PLAAT5: variants seen among roughly 807,000 people sequenced by gnomAD.
PLAAT5 encodes the protein phospholipase A and acyltransferase 5, also known as Ca(2+)-independent N-acyltransferase.
A neutral mutation model predicts 27.8 loss-of-function variants in PLAAT5; 27 were observed. The ratio of observed to expected loss-of-function variants is 0.97; its 90% CI spans 0.72 to 1.34. PLAAT5 has a LOEUF of 1.34. PLAAT5 is among the 40% of genes most tolerant of loss of function. The pLI, the probability that PLAAT5 is intolerant of heterozygous loss-of-function variation, is 0.00. For missense variants in PLAAT5, 368 were observed against 343.8 expected (o/e 1.07, Z -0.56); for synonymous variants, 125 against 136.1 (o/e 0.92, Z 0.57).
intron 3 of PLAAT5, among the ~76,000 whole-genome samples, chr11:63,471,226 A>T (rs1311318299): frequency 6.6e-6 from 1 of 152,256 alleles, no homozygotes; most frequent in East Asian, 1.9e-4. Flanking sequence ...ACTAAGGTAT[A>T]GACACTTCAT....
At chr11:63,490,771 G>A in intron 1 of PLAAT5, 116 bp downstream of exon 1, 1 of 988,836 alleles carries the variant, frequency 1.0e-6, no homozygotes, top group Non-Finnish European at 1.5e-6. Flanking sequence ...GCTCATGATG[G>A]CTAACAGACA....
chr11:63,485,191 T>C (rs1305494036), intron 3 of PLAAT5, among the ~76,000 whole-genome samples: 2 of 152,112 alleles, frequency 1.3e-5, no homozygotes, highest in Non-Finnish European at 2.9e-5. Context: ...AGAATCAATA[T>C]TGTGAAAATG....
chr11:63,485,400 C>G (rs2120334831), intron 3 of PLAAT5, among the ~76,000 whole-genome samples: 1 of 152,214 alleles, frequency 6.6e-6, no homozygotes. Flanking sequence ...GCTATAGTTA[C>G]CAAAACAGCA....
chr11:63,484,094 A>C (rs2016376888), intron 3 of PLAAT5, among the ~76,000 whole-genome samples: 1 of 150,780 alleles, frequency 6.6e-6, no homozygotes, highest in African/African-American at 2.4e-5. Flanking sequence ...GAAGAAATAG[A>C]AACTCTGAAC....
At chr11:63,470,870 A>G (rs1272055521) in intron 3 of PLAAT5, 4 of 152,224 alleles carry the variant, frequency 2.6e-5, no homozygotes, top group Non-Finnish European at 5.9e-5. Flanking sequence ...TTCAGAAAAT[A>G]TAAGCCTTTA....
At chr11:63,479,599 G>A (rs2016236353) in intron 3 of PLAAT5, among the ~76,000 whole-genome samples, 1 of 152,156 alleles carries the variant, frequency 6.6e-6, no homozygotes, top group African/African-American at 2.4e-5. Context: ...AGGAAGAGAA[G>A]TTATTTAGCC....
intron 5 of PLAAT5, among the ~76,000 whole-genome samples, chr11:63,465,168 ACTTGGGAGACTGAGGCAGGAGAATCG>A (rs1345800695): frequency 1.3e-5 from 2 of 151,960 alleles, no homozygotes; most frequent in Admixed American, 1.3e-4. Flanking sequence ...AATCCCAGCT[ACTTGGGAGACTGAGGCAGGAGAATCG>A]CTTGAACCCA....
At chr11:63,479,057 T>A (rs78370519) in intron 3 of PLAAT5, among the ~76,000 whole-genome samples, 2,035 of 152,282 alleles carry the variant, frequency 0.013, 49 homozygotes, top group African/African-American at 0.047. Context: ...GACTTCAAAC[T>A]GGACTTCATT....
At chr11:63,466,765 A>G (rs897713775) in intron 4 of PLAAT5, among the ~76,000 whole-genome samples, 1 of 152,162 alleles carries the variant, frequency 6.6e-6, no homozygotes, top group Non-Finnish European at 1.5e-5. Context: ...GTAAAAGGCT[A>G]TCACATACAT....
At chr11:63,487,916 C>T (rs555476133) in intron 3 of PLAAT5, among the ~76,000 whole-genome samples, 3 of 152,226 alleles carry the variant, frequency 2.0e-5, no homozygotes, top group South Asian at 2.1e-4. Flanking sequence ...GAAGCCGAGG[C>T]GGGAGGATCA....
intron 5 of PLAAT5, among the ~76,000 whole-genome samples, chr11:63,465,531 C>G (rs1040330090): frequency 1.3e-4 from 20 of 151,868 alleles, no homozygotes; most frequent in African/African-American, 4.6e-4. Context: ...GTGGCTTACA[C>G]CTGTAATCCC....
At chr11:63,485,058 A>T (rs1311610787) in intron 3 of PLAAT5, among the ~76,000 whole-genome samples, 1 of 152,158 alleles carries the variant, frequency 6.6e-6, no homozygotes, top group African/African-American at 2.4e-5. Context: ...AAAAAAAAAA[A>T]AATACTTAGG....
At chr11:63,464,970 C>A (rs1265004934) in intron 5 of PLAAT5, among the ~76,000 whole-genome samples, 1 of 152,042 alleles carries the variant, frequency 6.6e-6, no homozygotes, top group Non-Finnish European at 1.5e-5. Context: ...GTGGCCTGAT[C>A]AATTGTATGT....
In PLAAT5 at chr11:63,463,350, A is replaced by G. The variant is rs1274706196; in HGVS notation, c.*153T>C. 1.4e-6 allele frequency: 1 copy of G among 690,300 alleles called. No individual in the cohort carries two copies. The highest frequency in any genetic ancestry group is 2.0e-5 in the Admixed American group (1 of 48,782). 42.8% of individuals were successfully genotyped at this position (690,300 alleles called of 1,614,324 possible). A position where few individuals can be genotyped will look rare whatever the true frequency, so the allele number is the denominator to read the frequency against. On this transcript the variant is annotated 3_prime_UTR_variant, in exon 6 of 6. Transcript: ENST00000540857. ...GTGGGTCTATGCTCGTATATATTGG[A>G]TGTATTTCTGGAAGGGTAATTGGAT...
intron 3 of PLAAT5, among the ~76,000 whole-genome samples, chr11:63,477,607 C>T (rs1315917030): frequency 6.6e-6 from 1 of 152,092 alleles, no homozygotes; most frequent in African/African-American, 2.4e-5. Flanking sequence ...TCCTGAGTAG[C>T]TGAGATTACA....
intron 3 of PLAAT5, among the ~76,000 whole-genome samples, chr11:63,481,822 C>T (rs1460953828): frequency 1.3e-5 from 2 of 152,068 alleles, no homozygotes; most frequent in African/African-American, 2.4e-5. Flanking sequence ...AACCAAACAC[C>T]GCATGTTCTC....
chr11:63,463,674 C>A, intron 5 of PLAAT5, 79 bp from the exon 6 acceptor site: 1 of 1,093,932 alleles, frequency 9.1e-7, no homozygotes, highest in South Asian at 1.2e-5. Context: ...CCCACCATAC[C>A]CATTCAGCAA....
intron 4 of PLAAT5, 51 bp downstream of exon 4, chr11:63,468,306 T>A (rs763421241): frequency 7.6e-7 from 1 of 1,324,140 alleles, no homozygotes; most frequent in South Asian, 1.2e-5. Flanking sequence ...TGTGCTTCTA[T>A]TTACTTTGCT....
intron 5 of PLAAT5, among the ~76,000 whole-genome samples, chr11:63,464,225 G>T (rs1190792029): frequency 1.3e-5 from 2 of 152,304 alleles, no homozygotes; most frequent in East Asian, 1.9e-4. Flanking sequence ...GCTGCCAATG[G>T]TCACTGAGGA....
Sources: gnomAD v4.1 joint callset for allele counts (sites outside exome capture counted in the v4.1 genomes callset) on GRCh38, gnomAD v4.1.1 for gene constraint, MANE v1.5 for transcripts, NCBI Gene and HGNC (gene_info 2026-07-23, HGNC 2026-07-21) for gene names.